Variants in TBC1D19 observed in about 807,000 individuals in gnomAD.
TBC1D19 encodes the protein TBC1 domain family, member 19.
In TBC1D19, 60 loss-of-function variants were observed where a neutral mutation model predicts 89.0. The observed-to-expected ratio is 0.67, with a 90% CI of 0.55 to 0.84. The LOEUF is 0.84. Among genes scored for constraint, TBC1D19 ranks in the 40% least tolerant of loss-of-function variants. The probability of loss-of-function intolerance (pLI) is 0.00; values close to 1 mark genes in which losing one functional copy is unlikely to be tolerated. For missense variants in TBC1D19, 500 were observed against 610.8 expected (o/e 0.82, Z 1.91); for synonymous variants, 189 against 199.7 (o/e 0.95, Z 0.45).
chr4:26,659,418 G>T (rs923952981), intron 7 of TBC1D19, among the ~76,000 whole-genome samples, 179 bp from the exon 8 acceptor site: 1 of 151,896 alleles, frequency 6.6e-6, no homozygotes, highest in Non-Finnish European at 1.5e-5. Context: ...GTATATTTAT[G>T]GCATTATATA....
intron 1 of TBC1D19, among the ~76,000 whole-genome samples, chr4:26,597,063 A>G (rs1239213550): frequency 6.6e-6 from 1 of 152,142 alleles, no homozygotes; most frequent in Non-Finnish European, 1.5e-5. Flanking sequence ...TAGATTACCT[A>G]TATGTGTCAC....
the TBC1D19 span, among the ~76,000 whole-genome samples, chr4:26,834,278 G>A: frequency 2.0e-5 from 3 of 152,142 alleles, no homozygotes; most frequent in Non-Finnish European, 4.4e-5. Flanking sequence ...TGTGAGAATG[G>A]ACTAATACAG....
At chr4:26,583,516 T>A (rs4416469), upstream of TBC1D19, among the ~76,000 whole-genome samples, 125,998 of 152,216 alleles carry the variant, frequency 0.83, 57,118 homozygotes, top group Non-Finnish European at 1. Context: ...CTACAAATAA[T>A]GCCTGTTGGT....
the TBC1D19 span, among the ~76,000 whole-genome samples, chr4:26,774,316 G>T: frequency 8.5e-5 from 13 of 152,356 alleles, no homozygotes; most frequent in African/African-American, 3.1e-4. Flanking sequence ...ATTCCTGGCA[G>T]ATCAGCACTC....
intron 13 of TBC1D19, among the ~76,000 whole-genome samples, 195 bp from the exon 14 acceptor site, chr4:26,717,738 G>T (rs1156522518): frequency 6.6e-6 from 1 of 152,072 alleles, no homozygotes; most frequent in African/African-American, 2.4e-5. Flanking sequence ...AGTTGAGGTA[G>T]CAAATGGTGA....
At position 26,755,982 on chromosome 4, in the gene TBC1D19, T is replaced by C. The variant is rs550435168; in HGVS notation, c.*1035T>C. On this transcript the variant is annotated 3_prime_UTR_variant, in exon 21 of 21. Transcript: ENST00000264866. ...GTGGGGTAAAAAGTCCAAAAACTAT[T>C]GTCCTTTGATTTTAGTTTCAAATTT... 6.6e-6 allele frequency among the ~76,000 whole-genome samples: 1 copy of C among 152,350 alleles called. No homozygotes were observed. The highest frequency in any genetic ancestry group is 1.9e-4 in the East Asian group (1 of 5,184).
At chr4:26,789,593 A>T in the TBC1D19 span, among the ~76,000 whole-genome samples, 1 of 152,244 alleles carries the variant, frequency 6.6e-6, no homozygotes, top group Non-Finnish European at 1.5e-5. Context: ...GAAATGCTTA[A>T]ACACTGTTGA....
intron 1 of TBC1D19, among the ~76,000 whole-genome samples, chr4:26,602,641 C>T (rs538236195): frequency 1.1e-4 from 17 of 151,888 alleles, no homozygotes; most frequent in African/African-American, 3.1e-4. Flanking sequence ...GGGGTTTCAC[C>T]GTGTTAGCCA....
intron 13 of TBC1D19, among the ~76,000 whole-genome samples, chr4:26,711,775 T>C (rs920314761): frequency 6.6e-6 from 1 of 152,086 alleles, no homozygotes. Context: ...AATCATACCA[T>C]TTTCTAGCAG....
chr4:26,618,910 G>A (rs1056524215), intron 3 of TBC1D19, among the ~76,000 whole-genome samples: 4 of 152,172 alleles, frequency 2.6e-5, no homozygotes, highest in South Asian at 2.1e-4. Flanking sequence ...CAAGTGTGCT[G>A]TATAAGTTTC....
intron 3 of TBC1D19, among the ~76,000 whole-genome samples, chr4:26,617,538 A>G (rs1577810391): frequency 1.3e-5 from 2 of 152,218 alleles, no homozygotes; most frequent in African/African-American, 4.8e-5. Context: ...CATTTCTTTC[A>G]TATTTCCTAT....
At chr4:26,641,833 T>C (rs1470464401) in intron 7 of TBC1D19, among the ~76,000 whole-genome samples, 3 of 151,978 alleles carry the variant, frequency 2.0e-5, no homozygotes, top group Non-Finnish European at 4.4e-5. Flanking sequence ...GTATCAGTGA[T>C]TGAAGATCAA....
chr4:26,626,449 A>C (rs753874539), intron 4 of TBC1D19, among the ~76,000 whole-genome samples: 1 of 152,166 alleles, frequency 6.6e-6, no homozygotes, highest in Non-Finnish European at 1.5e-5. Flanking sequence ...CTAGTGCTAT[A>C]CATGTACTCA....
At chr4:26,615,761 A>T (rs1741646723) in intron 3 of TBC1D19, among the ~76,000 whole-genome samples, 1 of 152,180 alleles carries the variant, frequency 6.6e-6, no homozygotes, top group Non-Finnish European at 1.5e-5. Flanking sequence ...GTTGACTGTG[A>T]CCATACCTTT....
intron 1 of TBC1D19, among the ~76,000 whole-genome samples, chr4:26,602,522 A>C (rs1165200163): frequency 6.8e-6 from 1 of 146,870 alleles, no homozygotes; most frequent in Non-Finnish European, 1.5e-5. Context: ...GCTCACTGCA[A>C]GCGCCGCCTC....
At chr4:26,741,330 T>C (rs1578007903) in intron 17 of TBC1D19, among the ~76,000 whole-genome samples, 1 of 127,024 alleles carries the variant, frequency 7.9e-6, no homozygotes, top group Admixed American at 1.0e-4. Flanking sequence ...CAGTCCGCAG[T>C]CCGGCCTGGG....
At chr4:26,585,137 CT>C (rs1284120129) in intron 1 of TBC1D19, 3 of 433,788 alleles carry the variant, frequency 6.9e-6, no homozygotes, top group Admixed American at 2.6e-5. Context: ...ATATTTGTTT[CT>C]TTTTTTCTTG....
rs1486567080 is a variant in TBC1D19, at chr4:26,705,231, T to C, written c.955-12702T>C. On this transcript the variant is annotated intron_variant, in intron 13 of 20. Coordinates refer to ENST00000264866, the MANE Select transcript of TBC1D19 (RefSeq NM_018317.4). ...GTAAATATTTTCTCCCATTTGTGAG[T>C]TGACTTTTTACTCTGTTGATAGTGT... Among the ~76,000 whole-genome samples, 4 of 152,278 alleles carry C rather than the reference T, an allele frequency of 2.6e-5. No individual in the cohort carries two copies. The South Asian group carries it at 6.2e-4, about 24-fold the overall frequency.
chr4:26,778,054 G>GA, the TBC1D19 span, among the ~76,000 whole-genome samples: 1 of 139,522 alleles, frequency 7.2e-6, no homozygotes, highest in Admixed American at 7.5e-5. Flanking sequence ...GGCCCTGTAA[G>GA]AAAAAAAGAA....
Sources: allele counts gnomAD v4.1 joint callset (sites outside exome capture counted in the v4.1 genomes callset), GRCh38; gene constraint gnomAD v4.1.1; transcripts MANE v1.5; gene names NCBI Gene and HGNC (gene_info 2026-07-23, HGNC 2026-07-21).